Variants in POU2F1 observed in about 807,000 individuals in gnomAD.
POU2F1 encodes the protein POU domain, class 2, transcription factor 1.
Under a neutral mutation model 84.9 loss-of-function variants are expected in POU2F1, and 16 were observed. The observed-to-expected ratio is 0.19, with a 90% confidence interval of 0.13 to 0.29. The LOEUF is 0.29. Among genes scored for constraint, POU2F1 ranks in the 10% least tolerant of loss-of-function variants. The pLI, the probability that POU2F1 is intolerant of heterozygous loss-of-function variation, is 1.00. For missense variants in POU2F1, 738 were observed against 942.6 expected (o/e 0.78, Z 2.84); for synonymous variants, 368 against 368.3 (o/e 1.00, Z 0.01).
intron 1 of POU2F1, among the ~76,000 whole-genome samples, chr1:167,226,119 G>T (rs897491635): frequency 2.6e-5 from 4 of 152,190 alleles, no homozygotes; most frequent in Non-Finnish European, 5.9e-5. Flanking sequence ...CCATGTTCTT[G>T]TTTCTGATCC....
intron 8 of POU2F1, among the ~76,000 whole-genome samples, chr1:167,387,430 A>G (rs1045087324): frequency 2.6e-5 from 4 of 152,230 alleles, no homozygotes; most frequent in Non-Finnish European, 4.4e-5. Context: ...CAAAATGGTC[A>G]GGTTGAAAAT....
chr1:167,423,372 C>T lies in POU2F1; in HGVS notation c.*7562C>T, dbSNP rs1323277044. 2.0e-5 allele frequency: 3 copies of T among 152,176 alleles called. No homozygotes were observed. The highest frequency in any genetic ancestry group is 7.2e-5 in the African/African-American group (3 of 41,434). The allele number at this position is 152,176 out of a possible 1,614,324, so 9.4% of individuals were successfully genotyped here. ...ATTAGGTTGCAGAACTTCATGAAAGCTTTACTAATAATCTTATTGTTCTGA... is the reference window on the plus strand; with the variant it reads ...ATTAGGTTGCAGAACTTCATGAAAGTTTTACTAATAATCTTATTGTTCTGA... On this transcript the variant is annotated 3_prime_UTR_variant, in exon 16 of 16. Coordinates refer to ENST00000367866, the MANE Select transcript of POU2F1 (RefSeq NM_002697.4).
chr1:167,327,205 G>A (rs1656763957), intron 1 of POU2F1, among the ~76,000 whole-genome samples: 1 of 152,204 alleles, frequency 6.6e-6, no homozygotes, highest in African/African-American at 2.4e-5. Context: ...CTTGATGTCT[G>A]CCCTGGCACA....
intron 4 of POU2F1, among the ~76,000 whole-genome samples, chr1:167,371,471 G>A (rs1419105032): frequency 2.6e-5 from 4 of 152,110 alleles, no homozygotes; most frequent in African/African-American, 4.8e-5. Context: ...TAGATTTACC[G>A]TTCTGTAAAA....
At chr1:167,359,518 C>T (rs1659207670) in intron 2 of POU2F1, among the ~76,000 whole-genome samples, 1 of 152,086 alleles carries the variant, frequency 6.6e-6, no homozygotes, top group Non-Finnish European at 1.5e-5. Context: ...GGATTTTGTT[C>T]TGTTTATGGC....
intron 13 of POU2F1, among the ~76,000 whole-genome samples, chr1:167,410,278 A>C (rs1210401421): frequency 6.6e-6 from 1 of 152,222 alleles, no homozygotes; most frequent in Non-Finnish European, 1.5e-5. Flanking sequence ...GGAGGTGAAG[A>C]AAGTAGTCAG....
At chr1:167,329,362 C>T (rs1228607247) in intron 1 of POU2F1, 13 of 1,524,420 alleles carry the variant, frequency 8.5e-6, no homozygotes, top group East Asian at 7.5e-5. Context: ...TAGAGTGTGT[C>T]GGGTTGACTA....
At chr1:167,285,506 G>A (rs1653463950) in intron 1 of POU2F1, among the ~76,000 whole-genome samples, 1 of 152,022 alleles carries the variant, frequency 6.6e-6, no homozygotes, top group Admixed American at 6.6e-5. Context: ...GCAGGAGAAT[G>A]GCGTGAACCC....
Position 167,412,029 on chromosome 1 carries a change from C to CA in POU2F1, c.1627dup (p.Thr543AsnfsTer23). Reference sequence around the variant, plus strand: ...CAGCGCCTCCAGCTTCCTCAGCAGTCACGTCCCCCTCTCTGAGTCCCTCCC... The same window carrying CA: ...CAGCGCCTCCAGCTTCCTCAGCAGTCAACGTCCCCCTCTCTGAGTCCCTCCC... On this transcript the variant is annotated frameshift_variant, in exon 14 of 16. Transcript: ENST00000367866. LOFTEE classifies it high-confidence loss of function. 6.2e-7 allele frequency: 1 copy of CA among 1,614,172 alleles called. No individual in the cohort carries two copies. The highest frequency in any genetic ancestry group is 8.5e-7 in the Non-Finnish European group (1 of 1,180,032).
At chr1:167,321,482 T>C (rs1451278612) in intron 1 of POU2F1, among the ~76,000 whole-genome samples, 1 of 152,210 alleles carries the variant, frequency 6.6e-6, no homozygotes, top group Non-Finnish European at 1.5e-5. Flanking sequence ...ACTGAATTAA[T>C]GGCCCTAAGA....
chr1:167,371,897 T>G lies in POU2F1; in HGVS notation c.283-20T>G. On this transcript the variant is annotated intron_variant, in intron 4 of 15. Coordinates refer to ENST00000367866, the MANE Select transcript of POU2F1 (RefSeq NM_002697.4). ...AATCAACCATTTGCAATCTTTTATT[T>G]CCTACCCACCCCACCTCAGTCTAAA... The G allele has an allele frequency of 6.2e-7, 1 of 1,614,056 alleles. No homozygotes were observed. Among genetic ancestry groups the G allele is most frequent in the Non-Finnish European group, 8.5e-7 (1 of 1,179,910 alleles).
rs547956558 is a variant in POU2F1, at chr1:167,384,669, C to T, written c.813+718C>T. 4.0e-5 allele frequency among the ~76,000 whole-genome samples: 6 copies of T among 151,150 alleles called. No individual in the cohort carries two copies. In the South Asian group the frequency reaches 8.4e-4, roughly 21 times the overall value. On this transcript the variant is annotated intron_variant, in intron 8 of 15. Coordinates refer to ENST00000367866, the MANE Select transcript of POU2F1 (RefSeq NM_002697.4). The stretch of plus-strand genomic sequence containing the variant: ...CATTTATGATAAGAACTCTTGCAAA[C>T]TAGATATAGAAGGTAACTTTCTTAA...
chr1:167,422,324 G>A lies in POU2F1; in HGVS notation c.*6514G>A, dbSNP rs1650699438. The stretch of plus-strand genomic sequence containing the variant: ...GAGTGATTGATGTATCTTAAATCTA[G>A]GAAAGTTAAAGTGAAACAGGTTCTT... On this transcript the variant is annotated 3_prime_UTR_variant, in exon 16 of 16. Transcript: ENST00000367866. 1 of 152,198 alleles carries A rather than the reference G, an allele frequency of 6.6e-6. No individual in the cohort carries two copies. The highest frequency in any genetic ancestry group is 2.4e-5 in the African/African-American group (1 of 41,448). 9.4% of individuals were successfully genotyped at this position (152,198 alleles called of 1,614,324 possible).
In POU2F1 at chr1:167,376,145, G is replaced by A; in HGVS notation, c.708G>A (p.Gln236=). ...PAQFIISQTP[Q]GQQGLLQAQN... Reference sequence around the variant, plus strand: ...AGTTTATCATCTCACAGACGCCCCAGGGCCAGCAGGGTGAGCTCCTCCTTA... The same window carrying A: ...AGTTTATCATCTCACAGACGCCCCAAGGCCAGCAGGGTGAGCTCCTCCTTA... Residue 236 remains glutamine, a synonymous_variant, in exon 7 of 16, where the codon CAG becomes CAA. Transcript: ENST00000367866. The A allele has an allele frequency of 1.2e-6, 2 of 1,614,170 alleles. No homozygotes were observed. Among genetic ancestry groups the A allele is most frequent in the Non-Finnish European group, 1.7e-6 (2 of 1,180,038 alleles).
chr1:167,297,948 C>G (rs1006747219), intron 1 of POU2F1, among the ~76,000 whole-genome samples: 2 of 151,702 alleles, frequency 1.3e-5, no homozygotes, highest in South Asian at 2.1e-4. Flanking sequence ...GGTGAAACCC[C>G]GTCTCTACTA....
chr1:167,352,407 G>A (rs980380783), intron 2 of POU2F1, among the ~76,000 whole-genome samples: 2 of 152,200 alleles, frequency 1.3e-5, no homozygotes, highest in Admixed American at 1.3e-4. Flanking sequence ...GTCCCCTTAT[G>A]AGCCTGATCA....
chr1:167,234,832 G>T (rs568993921), intron 1 of POU2F1, among the ~76,000 whole-genome samples: 26 of 152,144 alleles, frequency 1.7e-4, no homozygotes, highest in Non-Finnish European at 3.7e-4. Flanking sequence ...GACCCAGTTG[G>T]TGAAATAGAA....
intron 1 of POU2F1, among the ~76,000 whole-genome samples, chr1:167,222,185 C>G (rs1041937280): frequency 6.6e-6 from 1 of 152,142 alleles, no homozygotes; most frequent in African/African-American, 2.4e-5. Flanking sequence ...ACAAGTTGAT[C>G]GTATTCTCGA....
chr1:167,237,612 C>T lies in POU2F1; in HGVS notation c.61+16654C>T, dbSNP rs1649561493. Reference sequence around the variant, plus strand: ...AAAGTCATTTTGTACTACCATTTGTCTGATTTCTACAAATACATTATTTGG... The same window carrying T: ...AAAGTCATTTTGTACTACCATTTGTTTGATTTCTACAAATACATTATTTGG... On this transcript the variant is annotated intron_variant, in intron 1 of 15. Coordinates refer to ENST00000367866, the MANE Select transcript of POU2F1 (RefSeq NM_002697.4). Among the ~76,000 whole-genome samples, 5 of 148,290 alleles carry T rather than the reference C, an allele frequency of 3.4e-5. No homozygotes were observed. The South Asian group carries it at 1.1e-3, about 32-fold the overall frequency.
Sources: gnomAD v4.1 joint callset for allele counts (sites outside exome capture counted in the v4.1 genomes callset) on GRCh38, gnomAD v4.1.1 for gene constraint, MANE v1.5 for transcripts, NCBI Gene and HGNC (gene_info 2026-07-23, HGNC 2026-07-21) for gene names.